EIF2A: variants seen among roughly 807,000 people sequenced by gnomAD.
EIF2A encodes the protein 65 kDa eukaryotic translation initiation factor 2A.
A neutral mutation model predicts 75.2 loss-of-function variants in EIF2A; 62 were observed. The ratio of observed to expected loss-of-function variants is 0.82; its 90% CI spans 0.67 to 1.02. The LOEUF is 1.02. Ranked by LOEUF, EIF2A falls within the 50% of genes least tolerant of loss-of-function variation. The probability of loss-of-function intolerance (pLI) is 0.00; values close to 1 mark genes in which losing one functional copy is unlikely to be tolerated. For synonymous variants in EIF2A, 207 were observed against 239.0 expected, an observed-to-expected ratio of 0.87 and a Z score of 1.23; for missense variants, 611 against 677.7, an observed-to-expected ratio of 0.90 and a Z score of 1.09.
At chr3:150,581,542 T>C (rs1725175282) in intron 11 of EIF2A, 76 bp from the exon 12 acceptor site, 6 of 1,488,662 alleles carry the variant, frequency 4.0e-6, no homozygotes, top group Non-Finnish European at 4.5e-6. Context: ...GTATTTCATA[T>C]GCCAAAGCTA....
At chr3:150,548,906 T>TA (rs575682269) in intron 1 of EIF2A, among the ~76,000 whole-genome samples, 1 of 152,068 alleles carries the variant, frequency 6.6e-6, no homozygotes, top group Non-Finnish European at 1.5e-5. Context: ...TTCAACTCTG[T>TA]GGTCCATTTT....
At chr3:150,574,964 T>C (rs1409579230) in intron 10 of EIF2A, among the ~76,000 whole-genome samples, 1 of 152,234 alleles carries the variant, frequency 6.6e-6, no homozygotes, top group Non-Finnish European at 1.5e-5. Flanking sequence ...TGTCTAAAAC[T>C]GTTCTGGAGA....
intron 10 of EIF2A, among the ~76,000 whole-genome samples, chr3:150,572,896 A>G (rs1196202860): frequency 6.6e-6 from 1 of 152,090 alleles, no homozygotes; most frequent in Non-Finnish European, 1.5e-5. Context: ...GGACTAAACA[A>G]AACGTATGAC....
intron 3 of EIF2A, among the ~76,000 whole-genome samples, chr3:150,558,977 T>A (rs1276446482): frequency 1.3e-5 from 2 of 152,208 alleles, no homozygotes; most frequent in Non-Finnish European, 2.9e-5. Context: ...AAAAATTATG[T>A]TGATTAAATG....
Position 150,568,185 on chromosome 3 carries a change from T to C in EIF2A, c.704T>C (p.Val235Ala). The C allele has an allele frequency of 6.2e-7, 1 of 1,612,458 alleles. No individual in the cohort carries two copies. Among genetic ancestry groups the C allele is most frequent in the Non-Finnish European group, 8.5e-7 (1 of 1,179,392 alleles). Residue 235 changes from valine (V) to alanine (A), a missense_variant, in exon 9 of 14, where the codon GTG (valine) becomes GCG (alanine). Val to Ala is a moderately conservative substitution (Grantham distance 64). Transcript: ENST00000460851. ...GTTTTTACTGTTATAGCTACTGCTG[T>C]GTTGGTAATAGCTAGCACAGATGTT... ...TMLWNKKATAVLVIASTDVDK... is the reference protein window; with the variant it reads ...TMLWNKKATAALVIASTDVDK...
At position 150,581,694 on chromosome 3, in the gene EIF2A, A is replaced by AG; in HGVS notation, c.1575dup (p.Ser526ValfsTer7). ...AGCACACCACGAAACACTGTCTCTCAGTCAATTTCTGGGGACCCTGAGATA... is the reference window on the plus strand; with the variant it reads ...AGCACACCACGAAACACTGTCTCTCAGGTCAATTTCTGGGGACCCTGAGATA... On this transcript the variant is annotated frameshift_variant, in exon 12 of 14. Transcript: ENST00000460851. LOFTEE classifies it high-confidence loss of function. The AG allele has an allele frequency of 6.4e-7, 1 of 1,554,160 alleles. No homozygotes were observed. The highest frequency in any genetic ancestry group is 8.7e-7 in the Non-Finnish European group (1 of 1,148,178).
chr3:150,562,999 AATT>A (rs1357758063), intron 4 of EIF2A: 4 of 193,646 alleles, frequency 2.1e-5, no homozygotes, highest in African/African-American at 9.5e-5. Flanking sequence ...ACTTTTAAAT[AATT>A]ATTATGTGAA....
At chr3:150,556,999 T>C (rs1723602717) in intron 2 of EIF2A, among the ~76,000 whole-genome samples, 1 of 152,130 alleles carries the variant, frequency 6.6e-6, no homozygotes, top group African/African-American at 2.4e-5. Context: ...AGAAAGTCTT[T>C]GGGTTGCATG....
chr3:150,561,098 C>T (rs558010865), intron 3 of EIF2A, among the ~76,000 whole-genome samples: 1 of 152,038 alleles, frequency 6.6e-6, no homozygotes, highest in Admixed American at 6.5e-5. Flanking sequence ...TTACTGATTT[C>T]CCTAGCTGCT....
chr3:150,564,996 A>G (rs1724091225), intron 6 of EIF2A: 2 of 286,762 alleles, frequency 7.0e-6, no homozygotes, highest in East Asian at 8.5e-5. Context: ...GGTACTGCAC[A>G]TTGTGGTTGA....
rs556308884 is a variant in EIF2A, at chr3:150,582,405, C to G, written c.1626+659C>G. 4.0e-5 allele frequency among the ~76,000 whole-genome samples: 6 copies of G among 151,708 alleles called. No individual in the cohort carries two copies. In the South Asian group the frequency reaches 1.2e-3, roughly 32 times the overall value. Reference sequence around the variant, plus strand: ...TCTCGGCTCACTGCAAGCTCCGCCTCCCGGGTTCAGGCCATTCTCCTGCCT... The same window carrying G: ...TCTCGGCTCACTGCAAGCTCCGCCTGCCGGGTTCAGGCCATTCTCCTGCCT... On this transcript the variant is annotated intron_variant, in intron 12 of 13. Transcript: ENST00000460851.
Position 150,572,144 on chromosome 3 carries a change from G to C in EIF2A, c.998G>C (p.Gly333Ala). Reference protein sequence around the residue: ...SPHGHILVLAGFGNLRGQMEV... With the variant: ...SPHGHILVLAAFGNLRGQMEV... ...CATGGACATATATTAGTATTAGCTG[G>C]ATTTGGAAATCTGAGGGGACAAATG... Residue 333 changes from glycine (G) to alanine (A), a missense_variant, in exon 10 of 14, where the codon GGA becomes GCA. By Grantham distance (60) the Gly-to-Ala change is moderately conservative. Coordinates refer to ENST00000460851, the MANE Select transcript of EIF2A (RefSeq NM_032025.5). The C allele has an allele frequency of 6.2e-7, 1 of 1,613,938 alleles. No homozygotes were observed. Among genetic ancestry groups the C allele is most frequent in the South Asian group, 1.1e-5 (1 of 91,084 alleles).
intron 9 of EIF2A, among the ~76,000 whole-genome samples, chr3:150,569,394 C>G (rs1047240062): frequency 6.7e-6 from 1 of 150,084 alleles, no homozygotes; most frequent in Admixed American, 6.7e-5. Context: ...TCTTGTCAGT[C>G]TAAAACTAAA....
chr3:150,560,039 CTTTT>C (rs942676677), intron 3 of EIF2A, among the ~76,000 whole-genome samples: 2 of 151,868 alleles, frequency 1.3e-5, no homozygotes, highest in Admixed American at 6.6e-5. Context: ...TTTTCATTGT[CTTTT>C]TTTGTTTGTT....
rs1411061958 is a variant in EIF2A at position 150,575,840 on chromosome 3, G to T, written c.1497+78G>T. 3.2e-6 allele frequency: 4 copies of T among 1,253,524 alleles called. No individual in the cohort carries two copies. In the East Asian group the frequency reaches 1.1e-4, roughly 34 times the overall value. 77.7% of individuals were successfully genotyped at this position (1,253,524 alleles called of 1,614,324 possible). On this transcript the variant is annotated intron_variant, in intron 11 of 13. Transcript: ENST00000460851. Reference sequence around the variant, plus strand: ...GCAGTGGCTCACGCCCGTAATCCCAGCACTTTGGGAGGCTGAGGCGAGTGG... The same window carrying T: ...GCAGTGGCTCACGCCCGTAATCCCATCACTTTGGGAGGCTGAGGCGAGTGG...
chr3:150,561,666 A>G (rs1354483119), intron 3 of EIF2A, among the ~76,000 whole-genome samples: 1 of 152,098 alleles, frequency 6.6e-6, no homozygotes, highest in African/African-American at 2.4e-5. Context: ...GCTTCTCTAT[A>G]GATTAGTTTT....
chr3:150,547,652 T>A (rs1457906456), intron 1 of EIF2A, among the ~76,000 whole-genome samples: 1 of 152,178 alleles, frequency 6.6e-6, no homozygotes, highest in African/African-American at 2.4e-5. Flanking sequence ...AGAAAGGTTG[T>A]CTGCATTTAA....
At chr3:150,558,120 G>T (rs1043639650) in intron 2 of EIF2A, among the ~76,000 whole-genome samples, 1 of 152,122 alleles carries the variant, frequency 6.6e-6, no homozygotes, top group Non-Finnish European at 1.5e-5. Context: ...ATTGATGGAA[G>T]GCCTACCACA....
chr3:150,547,043 A>G, intron 1 of EIF2A: 1 of 596,986 alleles, frequency 1.7e-6, no homozygotes, highest in Non-Finnish European at 2.9e-6. Context: ...CCTTTCACCC[A>G]TCCATCATTC....
Sources: allele counts gnomAD v4.1 joint callset (sites outside exome capture counted in the v4.1 genomes callset), GRCh38; gene constraint gnomAD v4.1.1; transcripts MANE v1.5; gene names NCBI Gene and HGNC (gene_info 2026-07-23, HGNC 2026-07-21).